Variants in CACNA2D3 observed in about 807,000 individuals in gnomAD.
CACNA2D3 encodes the protein calcium voltage-gated channel auxiliary subunit alpha2delta 3.
Under a neutral mutation model 160.6 loss-of-function variants are expected in CACNA2D3, and 60 were observed. The observed-to-expected ratio is 0.37, with a 90% CI of 0.30 to 0.46. The LOEUF (loss-of-function observed/expected upper bound fraction) is 0.46. CACNA2D3 is among the 20% of genes least tolerant of loss of function. The pLI is 1.00. For missense variants in CACNA2D3, 1,205 were observed against 1,365.0 expected, an observed-to-expected ratio of 0.88 and a Z score of 1.85; for synonymous variants, 558 against 492.9, an observed-to-expected ratio of 1.13 and a Z score of -1.75.
At chr3:54,990,539 AAAAG>A (rs1013006636) in intron 31 of CACNA2D3, among the ~76,000 whole-genome samples, 11 of 152,148 alleles carry the variant, frequency 7.2e-5, no homozygotes, top group South Asian at 2.1e-4. Flanking sequence ...TCAAACAAAA[AAAAG>A]AAAGAAAGAA....
chr3:54,293,948 A>G (rs1384537995), intron 2 of CACNA2D3, among the ~76,000 whole-genome samples: 1 of 152,228 alleles, frequency 6.6e-6, no homozygotes. Context: ...AAACATTTAA[A>G]TGCATGCTTG....
At position 54,139,184 on chromosome 3, in the gene CACNA2D3, A is replaced by G. The variant is rs76235040; in HGVS notation, c.204+15590A>G. 0.012 allele frequency among the ~76,000 whole-genome samples: 1,838 copies of G among 152,346 alleles called. 146 individuals are homozygous for G. The East Asian group carries it at 0.22, about 18-fold the overall frequency. ...CCAACCTCATTTCCTGGTGCGTTCC[A>G]CCATGAGATGGGTGGCACTTGGTTC... On this transcript the variant is annotated intron_variant, in intron 2 of 37. Coordinates refer to ENST00000474759, the MANE Select transcript of CACNA2D3 (RefSeq NM_018398.3).
At chr3:55,038,159 T>A (rs1490654142) in intron 35 of CACNA2D3, among the ~76,000 whole-genome samples, 2 of 152,206 alleles carry the variant, frequency 1.3e-5, no homozygotes. Flanking sequence ...TCTGTAATAG[T>A]CGGAAAATTT....
chr3:54,325,380 T>G (rs986336608), intron 3 of CACNA2D3, among the ~76,000 whole-genome samples: 1 of 152,142 alleles, frequency 6.6e-6, no homozygotes, highest in Admixed American at 6.5e-5. Flanking sequence ...TTTGGTGAAT[T>G]TATGATTTTA....
chr3:54,337,965 C>T (rs1704425762), intron 3 of CACNA2D3, among the ~76,000 whole-genome samples: 2 of 152,322 alleles, frequency 1.3e-5, no homozygotes, highest in South Asian at 4.1e-4. Context: ...CCACTTGCAT[C>T]CAAAACGTTT....
At chr3:54,438,764 T>A (rs1011572829) in intron 4 of CACNA2D3, among the ~76,000 whole-genome samples, 16 of 152,198 alleles carry the variant, frequency 1.1e-4, no homozygotes, top group African/African-American at 3.9e-4. Context: ...TTAACAATCA[T>A]TAAGGGAGGC....
chr3:54,123,263 T>C (rs1699512591), intron 1 of CACNA2D3, among the ~76,000 whole-genome samples: 1 of 152,044 alleles, frequency 6.6e-6, no homozygotes, highest in South Asian at 2.1e-4. Context: ...CTCAGTGGTC[T>C]TTTTAGAGAG....
At chr3:54,647,495 C>T (rs1182453894) in intron 11 of CACNA2D3, among the ~76,000 whole-genome samples, 2 of 152,202 alleles carry the variant, frequency 1.3e-5, no homozygotes, top group African/African-American at 4.8e-5. Flanking sequence ...TGCCTCAGTT[C>T]TCCTCTCCAT....
intron 4 of CACNA2D3, among the ~76,000 whole-genome samples, chr3:54,494,043 G>A (rs957719799): frequency 1.3e-5 from 2 of 152,202 alleles, no homozygotes; most frequent in African/African-American, 4.8e-5. Flanking sequence ...TTTGTCTCTG[G>A]TATTTTATAT....
chr3:54,589,713 C>T (rs1246811317), intron 9 of CACNA2D3, among the ~76,000 whole-genome samples: 2 of 151,960 alleles, frequency 1.3e-5, no homozygotes, highest in Non-Finnish European at 2.9e-5. Context: ...CAACAATAAA[C>T]ACAATTGAAT....
At chr3:54,296,779 C>T (rs1172356851) in intron 2 of CACNA2D3, among the ~76,000 whole-genome samples, 1 of 152,054 alleles carries the variant, frequency 6.6e-6, no homozygotes, top group African/African-American at 2.4e-5. Flanking sequence ...GCTAAAAAGC[C>T]AACTGAGAGA....
chr3:54,533,793 TAGTGTGTGTG>T (rs1185679192), intron 5 of CACNA2D3, among the ~76,000 whole-genome samples: 3 of 52,320 alleles, frequency 5.7e-5, no homozygotes, highest in African/African-American at 1.7e-4. Context: ...AAATGGAAAA[TAGTGTGTGTG>T]TGTGTGTGTG....
intron 11 of CACNA2D3, among the ~76,000 whole-genome samples, chr3:54,691,453 A>C (rs912472094): frequency 8.5e-5 from 13 of 152,212 alleles, no homozygotes; most frequent in African/African-American, 2.7e-4. Flanking sequence ...TTCCAGCTGC[A>C]CATCCAGGCA....
intron 4 of CACNA2D3, among the ~76,000 whole-genome samples, chr3:54,409,937 C>G (rs1387746648): frequency 1.3e-5 from 2 of 152,178 alleles, no homozygotes; most frequent in Non-Finnish European, 2.9e-5. Flanking sequence ...GAAAGTACAG[C>G]AAGTTATTCA....
intron 9 of CACNA2D3, among the ~76,000 whole-genome samples, chr3:54,585,586 G>A (rs13317617): frequency 0.72 from 109,518 of 152,122 alleles, 40,177 homozygotes; most frequent in African/African-American, 0.83. Flanking sequence ...CAAGTTCCAC[G>A]TAGCTGGGGA....
intron 2 of CACNA2D3, among the ~76,000 whole-genome samples, chr3:54,187,926 C>A (rs965363918): frequency 2.6e-5 from 4 of 152,030 alleles, no homozygotes; most frequent in African/African-American, 9.7e-5. Flanking sequence ...TACCGTGGTC[C>A]GTGGTCCGGG....
At chr3:54,328,472 G>A (rs937628146) in intron 3 of CACNA2D3, among the ~76,000 whole-genome samples, 5 of 151,828 alleles carry the variant, frequency 3.3e-5, no homozygotes, top group African/African-American at 1.2e-4. Context: ...AGTAGAGATG[G>A]GATTTCACCA....
At chr3:55,066,603 T>C (rs1352987963) in intron 35 of CACNA2D3, among the ~76,000 whole-genome samples, 3 of 152,150 alleles carry the variant, frequency 2.0e-5, no homozygotes, top group Non-Finnish European at 4.4e-5. Flanking sequence ...CGGCAAATAC[T>C]CTGTCTTGTC....
chr3:54,834,427 C>G (rs960751692), intron 14 of CACNA2D3, among the ~76,000 whole-genome samples: 1 of 152,114 alleles, frequency 6.6e-6, no homozygotes, highest in Admixed American at 6.5e-5. Context: ...CTGGTTCTGC[C>G]TTTGAAAATG....
Sources: allele counts gnomAD v4.1 joint callset (sites outside exome capture counted in the v4.1 genomes callset), GRCh38; gene constraint gnomAD v4.1.1; transcripts MANE v1.5; gene names NCBI Gene and HGNC (gene_info 2026-07-23, HGNC 2026-07-21).